The following OR9Q1 variants were observed in gnomAD, a reference collection of about 807,000 sequenced individuals.
OR9Q1 encodes the protein olfactory receptor family 9 subfamily Q member 1.
For synonymous variants in OR9Q1, 153 were observed against 148.6 expected (o/e 1.03, Z -0.22); for missense variants, 374 against 378.8 (o/e 0.99, Z 0.11).
At chr11:58,122,821 T>G (rs1021219592) in intron 2 of OR9Q1, among the ~76,000 whole-genome samples, 5 of 152,190 alleles carry the variant, frequency 3.3e-5, no homozygotes, top group African/African-American at 1.2e-4. Context: ...TCTTTTCATA[T>G]TTATTTAGAA....
intron 2 of OR9Q1, among the ~76,000 whole-genome samples, chr11:58,132,685 CAG>C (rs1267381603): frequency 1.3e-5 from 2 of 152,178 alleles, no homozygotes; most frequent in Non-Finnish European, 2.9e-5. Context: ...GAGCAGAACA[CAG>C]AGGTATCTCC....
intron 2 of OR9Q1, among the ~76,000 whole-genome samples, chr11:58,169,954 C>T (rs1441674562): frequency 6.6e-6 from 1 of 151,902 alleles, no homozygotes; most frequent in East Asian, 1.9e-4. Context: ...TCTGCATTCT[C>T]TTTTTATGGC....
intron 1 of OR9Q1, chr11:58,031,664 C>T (rs140088794): frequency 1.9e-4 from 300 of 1,613,832 alleles, no homozygotes; most frequent in African/African-American, 2.1e-4. Context: ...AGCTGCTGAG[C>T]GCTGGAAGGC....
At chr11:58,064,214 G>C (rs934741959) in intron 2 of OR9Q1, among the ~76,000 whole-genome samples, 12 of 152,290 alleles carry the variant, frequency 7.9e-5, no homozygotes, top group Admixed American at 6.5e-4. Flanking sequence ...TCATTTCTTT[G>C]TCATTCTGTT....
intron 2 of OR9Q1, among the ~76,000 whole-genome samples, chr11:58,062,623 C>T (rs2119999283): frequency 6.6e-6 from 1 of 152,274 alleles, no homozygotes; most frequent in African/African-American, 2.4e-5. Context: ...GGTCTTGGGT[C>T]TAATACTACC....
At chr11:58,139,768 G>C (rs1854226431) in intron 2 of OR9Q1, among the ~76,000 whole-genome samples, 1 of 152,126 alleles carries the variant, frequency 6.6e-6, no homozygotes, top group South Asian at 2.1e-4. Context: ...CTTTATAGCA[G>C]CAAGTTTTAT....
At chr11:58,150,448 A>G (rs191866423) in intron 2 of OR9Q1, among the ~76,000 whole-genome samples, 53 of 152,262 alleles carry the variant, frequency 3.5e-4, no homozygotes, top group African/African-American at 1.3e-3. Flanking sequence ...ATAAAAATAA[A>G]TTGGGTTGTT....
rs147976095 is a variant in OR9Q1, at chr11:58,158,365, CTG to C, written c.-14-21064_-14-21063del. Among the ~76,000 whole-genome samples, 1,056 of 151,188 alleles carry C rather than the reference CTG, an allele frequency of 7.0e-3. 10 individuals are homozygous for C. Among genetic ancestry groups the C allele is most frequent in the African/African-American group, 0.019 (765 of 41,206 alleles). On this transcript the variant is annotated intron_variant, in intron 2 of 2. Transcript: ENST00000335397. ...GCCACACTCTTGGGCAGATTTTCCA[CTG>C]TACATTCAAATAAGGTCTGGGTCAT...
intron 1 of OR9Q1, among the ~76,000 whole-genome samples, chr11:58,035,042 C>G (rs934415759): frequency 1.3e-5 from 2 of 151,884 alleles, no homozygotes; most frequent in African/African-American, 2.4e-5. Context: ...ATTTTCCAGG[C>G]TGATCTCAAA....
At chr11:58,029,296 C>T (rs1203179675) in intron 1 of OR9Q1, among the ~76,000 whole-genome samples, 1 of 152,082 alleles carries the variant, frequency 6.6e-6, no homozygotes, top group Non-Finnish European at 1.5e-5. Flanking sequence ...GGACTTAGTT[C>T]CTCTCCACCT....
chr11:58,118,999 T>A, intron 2 of OR9Q1: 2 of 1,613,868 alleles, frequency 1.2e-6, no homozygotes, highest in Admixed American at 1.7e-5. Flanking sequence ...CCCACAGACA[T>A]AGGCTCCTAC....
At chr11:58,170,014 G>A (rs1854539901) in intron 2 of OR9Q1, among the ~76,000 whole-genome samples, 1 of 151,954 alleles carries the variant, frequency 6.6e-6, no homozygotes, top group African/African-American at 2.4e-5. Context: ...TTAATATGGA[G>A]GTGTCAGGAT....
At chr11:58,163,733 T>C (rs536170895) in intron 2 of OR9Q1, among the ~76,000 whole-genome samples, 1 of 152,346 alleles carries the variant, frequency 6.6e-6, no homozygotes, top group Admixed American at 6.5e-5. Context: ...CCATTCTACC[T>C]ATTCTAGGTA....
chr11:58,139,398 A>G (rs1854221389), intron 2 of OR9Q1, among the ~76,000 whole-genome samples: 1 of 151,918 alleles, frequency 6.6e-6, no homozygotes, highest in Non-Finnish European at 1.5e-5. Flanking sequence ...TCATTATTTA[A>G]CATTAGGTAT....
chr11:58,167,124 G>T (rs61327440), intron 2 of OR9Q1, among the ~76,000 whole-genome samples: 38,335 of 152,088 alleles, frequency 0.25, 5,825 homozygotes, highest in East Asian at 0.58. Context: ...TGCAGTATTT[G>T]CAGCAATGTG....
chr11:58,030,917 T>G, intron 1 of OR9Q1: 8 of 1,313,006 alleles, frequency 6.1e-6, no homozygotes, highest in Non-Finnish European at 7.6e-6. Context: ...TCATTGTCTA[T>G]GAGGCTATGA....
At chr11:58,060,076 G>A (rs1393904315) in intron 2 of OR9Q1, 1 of 152,294 alleles carries the variant, frequency 6.6e-6, no homozygotes, top group East Asian at 1.9e-4. Flanking sequence ...GTGAGGTTGA[G>A]GTATTCATTT....
intron 2 of OR9Q1, among the ~76,000 whole-genome samples, chr11:58,097,138 G>A (rs1460285940): frequency 6.6e-6 from 1 of 152,104 alleles, no homozygotes; most frequent in East Asian, 1.9e-4. Flanking sequence ...CACTGCACCC[G>A]GCCTTGGCTT....
intron 2 of OR9Q1, among the ~76,000 whole-genome samples, chr11:58,168,244 C>G (rs1278968511): frequency 6.6e-6 from 1 of 152,122 alleles, no homozygotes; most frequent in Non-Finnish European, 1.5e-5. Context: ...GATCCTAGTC[C>G]TTTGTCCTCC....
Sources: gnomAD v4.1 joint callset for allele counts (sites outside exome capture counted in the v4.1 genomes callset) on GRCh38, gnomAD v4.1.1 for gene constraint, MANE v1.5 for transcripts, NCBI Gene and HGNC (gene_info 2026-07-23, HGNC 2026-07-21) for gene names.